The following RAP1GDS1 variants were observed in gnomAD, a reference collection of about 807,000 sequenced individuals.
RAP1GDS1 encodes the protein Rap1 GTPase-GDP dissociation stimulator 1.
In RAP1GDS1, 35 loss-of-function variants were observed where a neutral mutation model predicts 71.1. That is an observed-to-expected ratio of 0.49 (90% CI 0.38 to 0.65). The LOEUF (loss-of-function observed/expected upper bound fraction) is 0.65. Ranked by LOEUF, RAP1GDS1 falls within the 30% of genes least tolerant of loss-of-function variation. The pLI is 0.00. For synonymous variants in RAP1GDS1, 229 were observed against 243.1 expected (o/e 0.94, Z 0.54); for missense variants, 663 against 706.1 (o/e 0.94, Z 0.69).
At chr4:98,280,592 T>G (rs1020966977) in intron 1 of RAP1GDS1, among the ~76,000 whole-genome samples, 4 of 152,158 alleles carry the variant, frequency 2.6e-5, no homozygotes, top group Admixed American at 6.6e-5. Context: ...TTCTTTTGCT[T>G]TGCTGAAGCT....
At chr4:98,432,530 T>G (rs1750573357) in intron 12 of RAP1GDS1, among the ~76,000 whole-genome samples, 1 of 152,212 alleles carries the variant, frequency 6.6e-6, no homozygotes, top group South Asian at 2.1e-4. Flanking sequence ...ACAGCTACCA[T>G]AAAAACTTAG....
chr4:98,298,318 G>A (rs994640437), intron 2 of RAP1GDS1, among the ~76,000 whole-genome samples: 1 of 152,194 alleles, frequency 6.6e-6, no homozygotes, highest in South Asian at 2.1e-4. Flanking sequence ...CAGATTTTCA[G>A]TATAGATGAA....
intron 1 of RAP1GDS1, among the ~76,000 whole-genome samples, chr4:98,287,899 A>G (rs1232990581): frequency 6.6e-6 from 1 of 152,154 alleles, no homozygotes; most frequent in Non-Finnish European, 1.5e-5. Context: ...AAACTAATTT[A>G]TCAAAGTAGC....
At chr4:98,290,801 G>A (rs1441952699) in intron 1 of RAP1GDS1, among the ~76,000 whole-genome samples, 3 of 152,026 alleles carry the variant, frequency 2.0e-5, no homozygotes, top group African/African-American at 7.2e-5. Flanking sequence ...TATATTGATA[G>A]GGACATAAAG....
At chr4:98,308,297 C>CTATATATATATATA (rs779815305) in intron 2 of RAP1GDS1, among the ~76,000 whole-genome samples, 1,351 of 73,008 alleles carry the variant, frequency 0.019, 46 homozygotes, top group Middle Eastern at 0.028. Context: ...CACACACACA[C>CTATATATATATATA]TATATATATA....
rs373640377 is a variant in RAP1GDS1, at chr4:98,417,450, C to A, written c.991C>A (p.Gln331Lys). 2 of 1,613,684 alleles carry A rather than the reference C, an allele frequency of 1.2e-6. No individual in the cohort carries two copies. Among genetic ancestry groups the A allele is most frequent in the Admixed American group, 3.3e-5 (2 of 59,998 alleles). ...CTCTTGGATCCCATCAAATAACCACCAGCTACAGCTTGCTGGAGCATTGGC... is the reference window on the plus strand; with the variant it reads ...CTCTTGGATCCCATCAAATAACCACAAGCTACAGCTTGCTGGAGCATTGGC... ...VLSWIPSNNH[Q>K]LQLAGALAIA... is the part of the protein sequence containing the mutation. The change falls in exon 9 of 15, where the codon CAG becomes AAG. Residue 331 changes from glutamine to lysine, a missense_variant. By Grantham distance (53) the Gln-to-Lys change is moderately conservative. Transcript: ENST00000408927.
chr4:98,400,652 T>A (rs1295260136), intron 6 of RAP1GDS1, among the ~76,000 whole-genome samples: 1 of 152,120 alleles, frequency 6.6e-6, no homozygotes, highest in African/African-American at 2.4e-5. Flanking sequence ...AGCTTTAGTG[T>A]TCTGTACCAT....
intron 2 of RAP1GDS1, among the ~76,000 whole-genome samples, chr4:98,337,310 T>C (rs1734847829): frequency 1.3e-5 from 2 of 152,244 alleles, no homozygotes; most frequent in Non-Finnish European, 2.9e-5. Flanking sequence ...CACTCAGTTG[T>C]CTTACTTTAG....
intron 7 of RAP1GDS1, among the ~76,000 whole-genome samples, chr4:98,410,644 A>G (rs1746921726): frequency 6.6e-6 from 1 of 152,226 alleles, no homozygotes; most frequent in East Asian, 1.9e-4. Context: ...TAGGATATTA[A>G]TATAATGGAA....
At chr4:98,276,916 A>G (rs1578270935) in intron 1 of RAP1GDS1, among the ~76,000 whole-genome samples, 1 of 152,154 alleles carries the variant, frequency 6.6e-6, no homozygotes, top group African/African-American at 2.4e-5. Context: ...GGAACCTCAA[A>G]TGATGATATT....
intron 2 of RAP1GDS1, among the ~76,000 whole-genome samples, chr4:98,320,495 G>T (rs1223056353): frequency 6.6e-6 from 1 of 152,226 alleles, no homozygotes; most frequent in Non-Finnish European, 1.5e-5. Context: ...CGTGAGCAAC[G>T]CAGAAGACGG....
At chr4:98,315,573 G>T (rs1036470765) in intron 2 of RAP1GDS1, among the ~76,000 whole-genome samples, 8 of 152,128 alleles carry the variant, frequency 5.3e-5, no homozygotes, top group African/African-American at 1.7e-4. Flanking sequence ...TATATACAAA[G>T]TCATAGTGGT....
intron 1 of RAP1GDS1, among the ~76,000 whole-genome samples, chr4:98,264,466 A>G (rs1261198515): frequency 6.6e-6 from 1 of 152,116 alleles, no homozygotes; most frequent in Non-Finnish European, 1.5e-5. Flanking sequence ...AAAGTCCTAT[A>G]TAACTTTATG....
chr4:98,310,361 C>CAGA (rs1249221991), intron 2 of RAP1GDS1, among the ~76,000 whole-genome samples: 1 of 151,940 alleles, frequency 6.6e-6, no homozygotes, highest in Non-Finnish European at 1.5e-5. Flanking sequence ...AGATCTTAGC[C>CAGA]AGAGGGCTGA....
chr4:98,356,476 G>A (rs1737987665), intron 4 of RAP1GDS1, among the ~76,000 whole-genome samples: 1 of 151,968 alleles, frequency 6.6e-6, no homozygotes, highest in Non-Finnish European at 1.5e-5. Flanking sequence ...GTTCTGTTTT[G>A]TGGATATTAC....
chr4:98,337,309 G>T (rs1486706725), intron 2 of RAP1GDS1, among the ~76,000 whole-genome samples: 3 of 152,214 alleles, frequency 2.0e-5, no homozygotes, highest in Non-Finnish European at 4.4e-5. Context: ...TCACTCAGTT[G>T]TCTTACTTTA....
At chr4:98,332,799 G>A (rs540557022) in intron 2 of RAP1GDS1, among the ~76,000 whole-genome samples, 1 of 152,202 alleles carries the variant, frequency 6.6e-6, no homozygotes, top group African/African-American at 2.4e-5. Flanking sequence ...TAACACAGGG[G>A]ACCAAATTTT....
At chr4:98,332,272 A>G (rs1734122160) in intron 2 of RAP1GDS1, among the ~76,000 whole-genome samples, 2 of 152,234 alleles carry the variant, frequency 1.3e-5, no homozygotes, top group Admixed American at 1.3e-4. Flanking sequence ...GCAGGGGAAC[A>G]CGTGGATCTT....
rs1315094254 is a variant in RAP1GDS1 at position 98,403,182 on chromosome 4, AGATAAT to A, written c.638-1289_638-1284del. On this transcript the variant is annotated intron_variant, in intron 6 of 14. Coordinates refer to ENST00000408927, the MANE Select transcript of RAP1GDS1 (RefSeq NM_001100427.2). The stretch of plus-strand genomic sequence containing the variant: ...ACAGGGTATCTAGTACAGGAAGGAG[AGATAAT>A]GATAAAGATAACCCAGGAGGCCAGC... Among the ~76,000 whole-genome samples the A allele has an allele frequency of 2.2e-4, 33 of 152,278 alleles. No individual in the cohort carries two copies. The East Asian group carries it at 3.3e-3, about 15-fold the overall frequency.
Sources: allele counts gnomAD v4.1 joint callset (sites outside exome capture counted in the v4.1 genomes callset), GRCh38; gene constraint gnomAD v4.1.1; transcripts MANE v1.5; gene names NCBI Gene and HGNC (gene_info 2026-07-23, HGNC 2026-07-21).